Variants in CSGALNACT1 observed in about 807,000 individuals in gnomAD.
The protein encoded by CSGALNACT1 is beta4GalNAcT-1.
In CSGALNACT1, 52 loss-of-function variants were observed where a neutral mutation model predicts 51.0. The observed-to-expected ratio is 1.02, with a 90% CI of 0.82 to 1.29. The LOEUF (loss-of-function observed/expected upper bound fraction) is 1.29, where lower values mean the gene tolerates loss of function less well. Ranked by LOEUF, CSGALNACT1 falls within the 50% of genes most tolerant of loss-of-function variation. The pLI is 0.00. For missense variants in CSGALNACT1, 935 were observed against 679.2 expected, an observed-to-expected ratio of 1.38 and a Z score of -4.19; for synonymous variants, 341 against 254.4, an observed-to-expected ratio of 1.34 and a Z score of -3.24.
chr8:19,408,781 T>G, intron 8 of CSGALNACT1, 87 bp from the exon 8 acceptor site: 3 of 1,154,898 alleles, frequency 2.6e-6, no homozygotes, highest in Non-Finnish European at 3.9e-6. Context: ...CACCGTGGAG[T>G]GTGGAGCCCA....
chr8:19,458,269 A>G (rs2064554202), intron 5 of CSGALNACT1, among the ~76,000 whole-genome samples, 157 bp downstream of exon 4: 1 of 152,230 alleles, frequency 6.6e-6, no homozygotes, highest in African/African-American at 2.4e-5. Context: ...AGGGAAAGGC[A>G]AATACAAATG....
intron 8 of CSGALNACT1, among the ~76,000 whole-genome samples, chr8:19,409,695 G>T (rs543788376): frequency 2.8e-4 from 43 of 152,222 alleles, no homozygotes; most frequent in Admixed American, 1.4e-3. Flanking sequence ...GGCAGCAGCA[G>T]GTTCCTCTTT....
intron 3 of CSGALNACT1, among the ~76,000 whole-genome samples, chr8:19,556,523 G>A (rs879431978): frequency 2.6e-5 from 4 of 152,170 alleles, no homozygotes; most frequent in Admixed American, 6.5e-5. Context: ...TCAATTCAGA[G>A]TCAATATTCA....
intron 4 of CSGALNACT1, among the ~76,000 whole-genome samples, chr8:19,502,565 G>A (rs1587371425): frequency 6.6e-6 from 1 of 152,158 alleles, no homozygotes; most frequent in South Asian, 2.1e-4. Flanking sequence ...TCTCCGTTTG[G>A]AACTCTCAAA....
At chr8:19,705,866 T>C (rs906627606) in intron 1 of CSGALNACT1, among the ~76,000 whole-genome samples, 1 of 152,226 alleles carries the variant, frequency 6.6e-6, no homozygotes, top group African/African-American at 2.4e-5. Flanking sequence ...AGAATGTTGA[T>C]GCTAGTTAAA....
intron 3 of CSGALNACT1, among the ~76,000 whole-genome samples, chr8:19,530,590 G>A (rs2082574440): frequency 6.6e-6 from 1 of 152,050 alleles, no homozygotes; most frequent in Non-Finnish European, 1.5e-5. Context: ...TGTTCACCGG[G>A]CACAGTGGCT....
At chr8:19,603,741 T>C (rs1269507601), upstream of CSGALNACT1, among the ~76,000 whole-genome samples, 1 of 152,232 alleles carries the variant, frequency 6.6e-6, no homozygotes, top group Non-Finnish European at 1.5e-5. Context: ...ATCACTGGCA[T>C]GGTCTTTATG....
At chr8:19,418,477 GCAAGCACTTTTAAT>G (rs1435513675) in intron 8 of CSGALNACT1, among the ~76,000 whole-genome samples, 165 bp downstream of exon 7, 2 of 152,146 alleles carry the variant, frequency 1.3e-5, no homozygotes, top group African/African-American at 4.8e-5. Flanking sequence ...TTTAAATATT[GCAAGCACTTTTAAT>G]CAACGAGGCG....
At chr8:19,410,428 C>A (rs967872721) in intron 8 of CSGALNACT1, among the ~76,000 whole-genome samples, 1 of 152,180 alleles carries the variant, frequency 6.6e-6, no homozygotes, top group African/African-American at 2.4e-5. Context: ...GACTAATATT[C>A]CTTCTGCTGG....
intron 1 of CSGALNACT1, among the ~76,000 whole-genome samples, chr8:19,618,653 A>AAAGAAAG (rs1564273027): frequency 1.1e-4 from 10 of 91,404 alleles, no homozygotes; most frequent in African/African-American, 5.8e-4. Flanking sequence ...AAAAAAAAAA[A>AAAGAAAG]AAAGAAAGAA....
intron 2 of CSGALNACT1, among the ~76,000 whole-genome samples, chr8:19,592,346 G>GA (rs781153286): frequency 6.6e-6 from 1 of 152,140 alleles, no homozygotes; most frequent in African/African-American, 2.4e-5. Context: ...CACTTAGCAG[G>GA]AAAGGGCTAT....
upstream of CSGALNACT1, among the ~76,000 whole-genome samples, chr8:19,606,254 T>C (rs1588983473): frequency 6.6e-6 from 1 of 152,230 alleles, no homozygotes; most frequent in East Asian, 1.9e-4. Context: ...GCTAATTTTA[T>C]ATATACACAA....
At chr8:19,480,780 C>A (rs1403889056) in intron 4 of CSGALNACT1, among the ~76,000 whole-genome samples, 1 of 152,120 alleles carries the variant, frequency 6.6e-6, no homozygotes, top group Non-Finnish European at 1.5e-5. Context: ...CTATCCCTAC[C>A]AGGCTCACTC....
intron 6 of CSGALNACT1, among the ~76,000 whole-genome samples, chr8:19,421,377 C>T (rs1383497995): frequency 3.3e-5 from 5 of 152,218 alleles, no homozygotes; most frequent in Admixed American, 2.6e-4. Flanking sequence ...TGAAATGGGG[C>T]CTGTCTTAAG....
intron 3 of CSGALNACT1, among the ~76,000 whole-genome samples, chr8:19,553,664 A>G (rs1256441232): frequency 2.7e-5 from 3 of 110,646 alleles, no homozygotes; most frequent in South Asian, 2.9e-4. Flanking sequence ...CCTTTCTATT[A>G]CTTCTTATGA....
chr8:19,624,163 A>G (rs1459675847), intron 1 of CSGALNACT1, among the ~76,000 whole-genome samples: 1 of 152,216 alleles, frequency 6.6e-6, no homozygotes, highest in African/African-American at 2.4e-5. Flanking sequence ...TCAACAGTGT[A>G]GCCCCTCTGA....
At chr8:19,559,017 G>A (rs988833011) in intron 3 of CSGALNACT1, among the ~76,000 whole-genome samples, 1 of 152,112 alleles carries the variant, frequency 6.6e-6, no homozygotes, top group Non-Finnish European at 1.5e-5. Context: ...TAGGTAAACA[G>A]TTCTATTTCA....
rs1046522186 is a variant in CSGALNACT1, at chr8:19,652,742, G to T, written c.-544+29731C>A. 5.3e-5 allele frequency among the ~76,000 whole-genome samples: 8 copies of T among 152,204 alleles called. No individual in the cohort carries two copies. The East Asian group carries it at 1.2e-3, about 22-fold the overall frequency. On this transcript the variant is annotated intron_variant, in intron 1 of 9. Coordinates refer to the CSGALNACT1 transcript ENST00000332246. ...AAAATCCCTGTGTTAATTGAATTTTGACCCCACCACTCTTCAGTAATCGTC... is the reference window on the plus strand; with the variant it reads ...AAAATCCCTGTGTTAATTGAATTTTTACCCCACCACTCTTCAGTAATCGTC...
intron 8 of CSGALNACT1, among the ~76,000 whole-genome samples, chr8:19,416,130 T>C (rs1035510931): frequency 2.0e-5 from 3 of 150,522 alleles, no homozygotes; most frequent in Non-Finnish European, 3.0e-5. Flanking sequence ...TTTTTTTTTT[T>C]CTGAGACAGA....
Sources: gnomAD v4.1 joint callset for allele counts (sites outside exome capture counted in the v4.1 genomes callset) on GRCh38, gnomAD v4.1.1 for gene constraint, MANE v1.5 for transcripts, NCBI Gene and HGNC (gene_info 2026-07-23, HGNC 2026-07-21) for gene names.